Variants in SHB observed in about 807,000 individuals in gnomAD.
The protein encoded by SHB is SH2 domain containing adaptor protein B.
SHB carries 20 observed loss-of-function variants against 52.3 expected under a neutral mutation model. That is an observed-to-expected ratio of 0.38 (90% CI 0.27 to 0.56). The LOEUF is 0.56. Among genes scored for constraint, SHB ranks in the 20% least tolerant of loss-of-function variants. SHB has a pLI of 0.71. For synonymous variants in SHB, 397 were observed against 316.5 expected (o/e 1.25, Z -2.70); for missense variants, 825 against 723.3 (o/e 1.14, Z -1.61).
intron 1 of SHB, among the ~76,000 whole-genome samples, chr9:38,034,406 CTG>C (rs1459064178): frequency 6.6e-6 from 1 of 152,218 alleles, no homozygotes; most frequent in African/African-American, 2.4e-5. Flanking sequence ...TCCCTCTACT[CTG>C]TACAACCAAA....
intron 4 of SHB, among the ~76,000 whole-genome samples, chr9:37,954,336 G>C (rs1370643139): frequency 6.6e-6 from 1 of 152,190 alleles, no homozygotes; most frequent in South Asian, 2.1e-4. Context: ...GCCATGCCAA[G>C]ACCAGAATCC....
At chr9:37,956,455 T>C (rs1443151393) in intron 3 of SHB, among the ~76,000 whole-genome samples, 1 of 152,164 alleles carries the variant, frequency 6.6e-6, no homozygotes, top group African/African-American at 2.4e-5. Context: ...GTGGCTCCTC[T>C]CCTCCTCTCA....
intron 5 of SHB, among the ~76,000 whole-genome samples, chr9:37,947,218 G>A (rs1240630788): frequency 6.6e-6 from 1 of 152,200 alleles, no homozygotes; most frequent in Admixed American, 6.5e-5. Flanking sequence ...TTTCTTGTTT[G>A]TCTTGAGTGC....
chr9:37,958,430 A>T (rs1832659587), intron 3 of SHB, among the ~76,000 whole-genome samples: 1 of 152,208 alleles, frequency 6.6e-6, no homozygotes, highest in Non-Finnish European at 1.5e-5. Flanking sequence ...AGGAAGACTC[A>T]CCAAAGGCCC....
chr9:38,049,553 G>T (rs912391039), intron 1 of SHB, among the ~76,000 whole-genome samples: 1 of 150,874 alleles, frequency 6.6e-6, no homozygotes, highest in African/African-American at 2.4e-5. Flanking sequence ...AGAGGTTGCA[G>T]TGAGCTATCG....
intron 3 of SHB, among the ~76,000 whole-genome samples, chr9:37,972,978 C>G (rs1390215066): frequency 6.6e-6 from 1 of 152,202 alleles, no homozygotes; most frequent in Non-Finnish European, 1.5e-5. Flanking sequence ...AAATGTCACT[C>G]ACTGTCTCTC....
chr9:38,016,686 T>C (rs75652647), intron 1 of SHB, among the ~76,000 whole-genome samples: 1,990 of 152,308 alleles, frequency 0.013, 43 homozygotes, highest in African/African-American at 0.045. Flanking sequence ...AAGATCACTG[T>C]GGCCCCAGAC....
intron 3 of SHB, among the ~76,000 whole-genome samples, chr9:37,958,984 T>C (rs574302956): frequency 1.3e-5 from 2 of 152,158 alleles, no homozygotes; most frequent in African/African-American, 2.4e-5. Context: ...ATTGGGGCCA[T>C]GTCATCCTGG....
At position 37,916,117 on chromosome 9, in the gene SHB, G is replaced by T. The variant is rs1049390429; in HGVS notation, c.*3704C>A. ...CTTGCCCTCCTGCAAGCGCGCCTGT[G>T]AACAAGTCCCCGTGGGGTTCTGGGA... On this transcript the variant is annotated 3_prime_UTR_variant, in exon 6 of 6. Transcript: ENST00000377707. 6.6e-6 allele frequency among the ~76,000 whole-genome samples: 1 copy of T among 152,252 alleles called. No individual in the cohort carries two copies. The highest frequency in any genetic ancestry group is 1.5e-5 in the Non-Finnish European group (1 of 68,042).
intron 3 of SHB, among the ~76,000 whole-genome samples, chr9:37,958,706 T>C (rs1056553534): frequency 6.6e-6 from 1 of 152,128 alleles, no homozygotes; most frequent in Non-Finnish European, 1.5e-5. Context: ...TTTGTGATAG[T>C]GGCCTAAAAC....
At chr9:37,973,626 C>A (rs1820616663) in intron 3 of SHB, among the ~76,000 whole-genome samples, 1 of 152,212 alleles carries the variant, frequency 6.6e-6, no homozygotes, top group African/African-American at 2.4e-5. Flanking sequence ...TGCCCAAGAT[C>A]ACTTTTCAAA....
intron 1 of SHB, among the ~76,000 whole-genome samples, chr9:38,050,287 A>G (rs554259199): frequency 6.6e-6 from 1 of 152,238 alleles, no homozygotes; most frequent in African/African-American, 2.4e-5. Flanking sequence ...CCCTTTTACC[A>G]CTAAAGAACT....
chr9:38,039,407 G>A (rs917063962), intron 1 of SHB, among the ~76,000 whole-genome samples: 3 of 152,248 alleles, frequency 2.0e-5, no homozygotes, highest in African/African-American at 7.2e-5. Flanking sequence ...GCCTGTATGT[G>A]CTGCTGCCAC....
rs752056534 is a variant in SHB, at chr9:38,068,109, G to A, written c.537C>T (p.Ile179=). The part of the protein sequence containing the change: ...RPATPAEVRY[I]SPKHRLIKVE... The stretch of plus-strand genomic sequence containing the variant: ...CTTTGATGAGGCGGTGCTTGGGGGA[G>A]ATGTAGCGCACCTCGGCCGGCGTGG... Residue 179 remains isoleucine (I), a synonymous_variant, in exon 1 of 6, where the codon ATC becomes ATT. Coordinates refer to ENST00000377707, the MANE Select transcript of SHB (RefSeq NM_003028.3). 13 of 1,474,186 alleles carry A rather than the reference G, an allele frequency of 8.8e-6. No individual in the cohort carries two copies. The highest frequency in any genetic ancestry group is 2.9e-5 in the African/African-American group (2 of 67,940). The allele number at this position is 1,474,186 out of a possible 1,614,324, so 91.3% of individuals were successfully genotyped here.
intron 2 of SHB, among the ~76,000 whole-genome samples, chr9:37,983,216 C>A (rs1175336754): frequency 6.6e-6 from 1 of 152,176 alleles, no homozygotes; most frequent in Admixed American, 6.5e-5. Flanking sequence ...ATTGGGGGAA[C>A]CTGGGAGGGC....
intron 5 of SHB, among the ~76,000 whole-genome samples, chr9:37,931,436 T>C (rs1314305756): frequency 3.9e-5 from 6 of 152,134 alleles, no homozygotes; most frequent in African/African-American, 1.2e-4. Context: ...AAGACCTGAA[T>C]AGACATTTCT....
At chr9:38,014,301 C>T (rs965439950) in intron 2 of SHB, among the ~76,000 whole-genome samples, 2 of 152,238 alleles carry the variant, frequency 1.3e-5, no homozygotes, top group African/African-American at 2.4e-5. Flanking sequence ...CCAACGCCTG[C>T]TGAATGCAAG....
chr9:38,040,744 G>A (rs1164837118), intron 1 of SHB, among the ~76,000 whole-genome samples: 2 of 152,180 alleles, frequency 1.3e-5, no homozygotes, highest in African/African-American at 2.4e-5. Flanking sequence ...GAGTTTGTGG[G>A]GAGGTATAGA....
At chr9:38,051,194 GCAC>G (rs1821733957) in intron 1 of SHB, among the ~76,000 whole-genome samples, 1 of 150,734 alleles carries the variant, frequency 6.6e-6, no homozygotes, top group African/African-American at 2.5e-5. Flanking sequence ...TGTAATCCCA[GCAC>G]TTTGGAAGGC....
Sources: gnomAD v4.1 joint callset for allele counts (sites outside exome capture counted in the v4.1 genomes callset) on GRCh38, gnomAD v4.1.1 for gene constraint, MANE v1.5 for transcripts, NCBI Gene and HGNC (gene_info 2026-07-23, HGNC 2026-07-21) for gene names.